Variants in MIER1 observed in about 807,000 individuals in gnomAD.
The protein encoded by MIER1 is MIER1 transcriptional regulator, also known as mesoderm induction early response protein 1.
MIER1 carries 40 observed loss-of-function variants against 75.7 expected under a neutral mutation model. That is an observed-to-expected ratio of 0.53 (90% CI 0.41 to 0.69). The LOEUF is 0.69. MIER1 is among the 30% of genes least tolerant of loss of function. The probability of loss-of-function intolerance (pLI) is 0.00; values close to 1 mark genes in which losing one functional copy is unlikely to be tolerated. For synonymous variants in MIER1, 213 were observed against 223.4 expected (o/e 0.95, Z 0.42); for missense variants, 574 against 680.2 (o/e 0.84, Z 1.74).
At chr1:66,939,945 G>A (rs1343415310) in intron 2 of MIER1, 83 bp from the exon 3 acceptor site, 2 of 1,081,710 alleles carry the variant, frequency 1.8e-6, no homozygotes, top group Non-Finnish European at 2.8e-6. Context: ...TGGCATCATA[G>A]TAGTCATTGA....
chr1:66,945,855 G>GA (rs1047180525), intron 3 of MIER1, among the ~76,000 whole-genome samples: 7 of 151,616 alleles, frequency 4.6e-5, no homozygotes, highest in Non-Finnish European at 7.4e-5. Flanking sequence ...AGAAGAAGAA[G>GA]AAAAAAAAGA....
chr1:66,930,507 C>G, intron 2 of MIER1: 14 of 1,166,818 alleles, frequency 1.2e-5, no homozygotes, highest in African/African-American at 1.6e-5. Context: ...CCTGCTGGCG[C>G]CGCTGCCCAC....
At chr1:66,959,775 A>G (rs751350173) in intron 7 of MIER1, 32 bp downstream of exon 7, 25 of 1,087,580 alleles carry the variant, frequency 2.3e-5, no homozygotes, top group Non-Finnish European at 3.0e-5. Context: ...CAAAATTTAG[A>G]TAAATTAATA....
At chr1:66,968,036 TTAA>T (rs1662781277) in intron 8 of MIER1, among the ~76,000 whole-genome samples, 1 of 152,214 alleles carries the variant, frequency 6.6e-6, no homozygotes, top group South Asian at 2.1e-4. Flanking sequence ...AAATTCTAAC[TTAA>T]TATTTTCCAT....
At chr1:66,978,496 T>G (rs1665213851) in intron 12 of MIER1, among the ~76,000 whole-genome samples, 1 of 152,222 alleles carries the variant, frequency 6.6e-6, no homozygotes, top group Non-Finnish European at 1.5e-5. Context: ...TCTAATTGCT[T>G]AATGTTAAAT....
rs1452787417 is a variant in MIER1 at position 66,967,296 on chromosome 1, C to CA, written c.773-3507dup. Among the ~76,000 whole-genome samples, 7 of 152,234 alleles carry CA rather than the reference C, an allele frequency of 4.6e-5. No homozygotes were observed. In the East Asian group the frequency reaches 1.4e-3, roughly 29 times the overall value. Reference sequence around the variant, plus strand: ...CAGTGTACATTCTTGGCATCTTTGTCAAAAATGAGTTCACTGTAGGTATGT... The same window carrying CA: ...CAGTGTACATTCTTGGCATCTTTGTCAAAAAATGAGTTCACTGTAGGTATGT... On this transcript the variant is annotated intron_variant, in intron 8 of 13. Coordinates refer to ENST00000401041, the MANE Select transcript of MIER1 (RefSeq NM_001077700.3).
At chr1:66,961,373 G>A (rs969208632) in intron 7 of MIER1, among the ~76,000 whole-genome samples, 3 of 152,128 alleles carry the variant, frequency 2.0e-5, no homozygotes, top group Admixed American at 1.3e-4. Context: ...CTTACATATA[G>A]TATGGGAATA....
At chr1:66,950,178 G>A (rs924541464) in intron 4 of MIER1, among the ~76,000 whole-genome samples, 5 of 151,914 alleles carry the variant, frequency 3.3e-5, no homozygotes, top group African/African-American at 1.2e-4. Context: ...GCACGATCTC[G>A]GCTCACTGCA....
chr1:66,925,130 C>A, intron 1 of MIER1, 35 bp downstream of exon 1: 1 of 1,540,554 alleles, frequency 6.5e-7, no homozygotes, highest in South Asian at 1.2e-5. Flanking sequence ...CTCTCCCCTT[C>A]TATTCCAGTT....
chr1:66,975,175 T>G (rs1664452180), intron 11 of MIER1, among the ~76,000 whole-genome samples: 1 of 152,132 alleles, frequency 6.6e-6, no homozygotes, highest in African/African-American at 2.4e-5. Context: ...GAGCAGAAAT[T>G]TATGGGATAA....
At chr1:66,931,677 G>A (rs1372857476) in intron 2 of MIER1, among the ~76,000 whole-genome samples, 2 of 151,716 alleles carry the variant, frequency 1.3e-5, no homozygotes, top group African/African-American at 4.8e-5. Context: ...GTATTTCCAG[G>A]CACATGAATT....
At chr1:66,948,287 A>G (rs938835766) in intron 4 of MIER1, 3 of 880,610 alleles carry the variant, frequency 3.4e-6, no homozygotes, top group Middle Eastern at 5.9e-4. Flanking sequence ...GAAATAAGAC[A>G]TAGTGCCAGT....
Position 66,959,530 on chromosome 1 carries a change from G to T in MIER1, c.635-149G>T, listed in dbSNP as rs1453783130. 14 of 441,572 alleles carry T rather than the reference G, an allele frequency of 3.2e-5. No homozygotes were observed. The East Asian group carries it at 3.3e-4, about 10-fold the overall frequency. 27.4% of individuals were successfully genotyped at this position (441,572 alleles called of 1,614,324 possible). A position where few individuals can be genotyped will look rare whatever the true frequency, so the allele number is the denominator to read the frequency against. ...TGGTTTTGTTTTTTTAAGTGATAGG[G>T]TGTTAATTATTTGGTTAGAAATATC... On this transcript the variant is annotated intron_variant, in intron 6 of 13. Coordinates refer to ENST00000401041, the MANE Select transcript of MIER1 (RefSeq NM_001077700.3).
intron 5 of MIER1, 34 bp from the exon 6 acceptor site, chr1:66,958,817 A>G: frequency 1.3e-6 from 2 of 1,562,714 alleles, no homozygotes; most frequent in South Asian, 2.4e-5. Flanking sequence ...TGTTTTCCTT[A>G]CATCTTAGAG....
chr1:66,971,789 G>C, intron 10 of MIER1, 53 bp downstream of exon 10: 1 of 996,994 alleles, frequency 1.0e-6, no homozygotes, highest in Non-Finnish European at 1.5e-6. Flanking sequence ...TTAAAATTAA[G>C]CTTTTCAGTT....
At chr1:66,930,057 C>A (rs1333919127) in intron 2 of MIER1, among the ~76,000 whole-genome samples, 1 of 152,066 alleles carries the variant, frequency 6.6e-6, no homozygotes. Context: ...CGAAGCGCCC[C>A]GCGCGGTTGC....
intron 2 of MIER1, among the ~76,000 whole-genome samples, chr1:66,935,551 A>G (rs1374187688): frequency 1.3e-5 from 2 of 152,216 alleles, no homozygotes; most frequent in African/African-American, 4.8e-5. Context: ...AAAATGTCTC[A>G]TAATTCCACA....
chr1:66,945,965 G>A (rs1657546003), intron 3 of MIER1, among the ~76,000 whole-genome samples, 185 bp from the exon 4 acceptor site: 1 of 152,090 alleles, frequency 6.6e-6, no homozygotes, highest in Non-Finnish European at 1.5e-5. Context: ...CACTTTTAAA[G>A]CTATAAACAT....
At chr1:66,947,896 G>T (rs1658044768) in intron 4 of MIER1, 3 of 983,826 alleles carry the variant, frequency 3.0e-6, no homozygotes, top group Non-Finnish European at 3.6e-6. Flanking sequence ...TCACTCTCTG[G>T]TATATGCATC....
Sources: allele counts gnomAD v4.1 joint callset (sites outside exome capture counted in the v4.1 genomes callset), GRCh38; gene constraint gnomAD v4.1.1; transcripts MANE v1.5; gene names NCBI Gene and HGNC (gene_info 2026-07-23, HGNC 2026-07-21).